TMEM132E: variants seen among roughly 807,000 people sequenced by gnomAD.
TMEM132E encodes transmembrane protein 132E.
In TMEM132E, 49 loss-of-function variants were observed where a neutral mutation model predicts 78.5. The ratio of observed to expected loss-of-function variants is 0.62; its 90% CI spans 0.50 to 0.79. The LOEUF (loss-of-function observed/expected upper bound fraction) is 0.79, where lower values mean the gene tolerates loss of function less well. Ranked by LOEUF, TMEM132E falls within the 30% of genes least tolerant of loss-of-function variation. TMEM132E has a pLI of 0.00. For missense variants in TMEM132E, 1,403 were observed against 1,470.9 expected (o/e 0.95, Z 0.75); for synonymous variants, 715 against 670.6 (o/e 1.07, Z -1.02).
At chr17:34,585,067 G>A (rs184616172) in intron 1 of TMEM132E, among the ~76,000 whole-genome samples, 24 of 152,340 alleles carry the variant, frequency 1.6e-4, no homozygotes, top group Non-Finnish European at 2.4e-4. Context: ...ATTGCCGGGC[G>A]TGAGGGATGA....
In TMEM132E at chr17:34,634,965, G is replaced by A; in HGVS notation, c.1855G>A (p.Asp619Asn). The A allele has an allele frequency of 6.2e-7, 1 of 1,614,162 alleles. No individual in the cohort carries two copies. The highest frequency in any genetic ancestry group is 8.5e-7 in the Non-Finnish European group (1 of 1,180,044). ...CCAGGTGGTCACCATGTTAGGCCCG[G>A]ACTGGCTGGTGGAGGTCACCGACCT... ...TDQVVTMLGP[D>N]WLVEVTDLVS... Residue 619 changes from aspartate to asparagine, a missense_variant, in exon 7 of 9, where the codon GAC (aspartate) becomes AAC (asparagine). Coordinates refer to ENST00000631683, the MANE Select transcript of TMEM132E (RefSeq NM_001304438.2).
At position 34,636,115 on chromosome 17, in the gene TMEM132E, C is replaced by A; in HGVS notation, c.2086C>A (p.Leu696Ile). 6.3e-7 allele frequency: 1 copy of A among 1,594,670 alleles called. No individual in the cohort carries two copies. The highest frequency in any genetic ancestry group is 1.1e-5 in the South Asian group (1 of 88,348). Residue 696 changes from leucine (L) to isoleucine (I), a missense_variant, in exon 8 of 9, where the codon CTC (leucine) becomes ATC (isoleucine). Transcript: ENST00000631683. ...GGCCCAGGTGGTGGCCAGCCTGGCC[C>A]TCTCCCTGCGGCCCAGCCCTGGGAG... ...LQAQVVASLA[L>I]SLRPSPGSSH...
chr17:34,628,523 G>C, intron 2 of TMEM132E, 40 bp from the exon 3 acceptor site: 1 of 1,611,416 alleles, frequency 6.2e-7, no homozygotes, highest in African/African-American at 1.3e-5. Context: ...TTGGGCTGTA[G>C]CCTGACCCTC....
intron 1 of TMEM132E, among the ~76,000 whole-genome samples, chr17:34,623,380 T>C (rs931840671): frequency 7.0e-6 from 1 of 143,114 alleles, no homozygotes; most frequent in Non-Finnish European, 1.5e-5. Context: ...GATGGATAAC[T>C]AAGGCAGGGC....
rs546422231 is a variant in TMEM132E at position 34,595,290 on chromosome 17, G to A, written c.67+14147G>A. Among the ~76,000 whole-genome samples, 6 of 152,342 alleles carry A rather than the reference G, an allele frequency of 3.9e-5. No homozygotes were observed. In the South Asian group the frequency reaches 1.2e-3, roughly 32 times the overall value. ...AAACTTCAGTCTTCTTACCTGTAAG[G>A]TGGTCTATACTGAACAGTGCCCACC... On this transcript the variant is annotated intron_variant, in intron 1 of 8. Coordinates refer to ENST00000631683, the MANE Select transcript of TMEM132E (RefSeq NM_001304438.2).
In TMEM132E at chr17:34,635,059, G is replaced by C; in HGVS notation, c.1949G>C (p.Gly650Ala). ...ATGGTGGACAGCAGCACGCTGGCAG[G>C]ACTGGAGCCAGGCACCACCCCCTTT... ...AHMVDSSTLA[G>A]LEPGTTPFKV... is the part of the protein sequence containing the mutation. Residue 650 changes from glycine (G) to alanine (A), a missense_variant, in exon 7 of 9, where the codon GGA (glycine) becomes GCA (alanine). Physicochemically the swap from Gly to Ala is moderately conservative, Grantham distance 60. Transcript: ENST00000631683. 6.2e-7 allele frequency: 1 copy of C among 1,613,802 alleles called. No individual in the cohort carries two copies. The highest frequency in any genetic ancestry group is 1.3e-5 in the African/African-American group (1 of 75,044).
chr17:34,634,729 G>A (rs557025048), intron 6 of TMEM132E, 70 bp from the exon 7 acceptor site: 22 of 1,504,532 alleles, frequency 1.5e-5, no homozygotes, highest in Non-Finnish European at 1.9e-5. Flanking sequence ...CAGGGCAAGG[G>A]TGCGGGGTGT....
In TMEM132E at chr17:34,626,904, G is replaced by C. The variant is rs752786544; in HGVS notation, c.845G>C (p.Arg282Thr). 6.2e-6 allele frequency: 10 copies of C among 1,613,224 alleles called. No individual in the cohort carries two copies. In the Admixed American group the frequency reaches 6.7e-5, roughly 11 times the overall value. ...GSISLFRPPP[R>T]RTLQEHRLDS... The stretch of plus-strand genomic sequence containing the variant: ...ATCAGCCTGTTCCGCCCGCCCCCCA[G>C]GAGGACCCTGCAGGAGCACAGGCTG... The change falls in exon 2 of 9, where the codon AGG (arginine) becomes ACG (threonine). Residue 282 changes from arginine (R) to threonine (T), a missense_variant. Arg to Thr is a moderately conservative substitution (Grantham distance 71). Coordinates refer to ENST00000631683, the MANE Select transcript of TMEM132E (RefSeq NM_001304438.2).
chr17:34,598,347 G>C (rs1349710695), intron 1 of TMEM132E, among the ~76,000 whole-genome samples: 2 of 152,230 alleles, frequency 1.3e-5, no homozygotes, highest in South Asian at 2.1e-4. Flanking sequence ...ATGGCACAGT[G>C]GGGGAGACAG....
intron 2 of TMEM132E, among the ~76,000 whole-genome samples, chr17:34,627,376 G>GT (rs1161544823): frequency 6.6e-6 from 1 of 151,930 alleles, no homozygotes; most frequent in Non-Finnish European, 1.5e-5. Flanking sequence ...GGACTAGAAG[G>GT]GCCCTTAGAC....
At chr17:34,610,441 A>G (rs1340617449) in intron 1 of TMEM132E, among the ~76,000 whole-genome samples, 1 of 152,238 alleles carries the variant, frequency 6.6e-6, no homozygotes, top group African/African-American at 2.4e-5. Flanking sequence ...AAAGTAAAAC[A>G]TGCAAACCGA....
At chr17:34,607,579 C>T (rs1746693669) in intron 1 of TMEM132E, among the ~76,000 whole-genome samples, 1 of 152,156 alleles carries the variant, frequency 6.6e-6, no homozygotes, top group Non-Finnish European at 1.5e-5. Flanking sequence ...TTAACACAGA[C>T]TCCACAGGTT....
chr17:34,590,261 C>T (rs531664810), intron 1 of TMEM132E, among the ~76,000 whole-genome samples: 2 of 152,242 alleles, frequency 1.3e-5, no homozygotes, highest in Admixed American at 6.5e-5. Context: ...AATCCTCCCC[C>T]CCGGAGCTGG....
chr17:34,626,977 G>A lies in TMEM132E; in HGVS notation c.918G>A (p.Gly306=), dbSNP rs1299382311. 4 of 1,613,832 alleles carry A rather than the reference G, an allele frequency of 2.5e-6. No individual in the cohort carries two copies. The highest frequency in any genetic ancestry group is 3.4e-6 in the Non-Finnish European group (4 of 1,180,028). Residue 306 remains glycine (G), a synonymous_variant, in exon 2 of 9, where the codon GGG becomes GGA. Transcript: ENST00000631683. ...TGCCAGACCGGCCCCTCAAGCCCGGGGAAGTGCTCAGCATCCTCCTCTATC... is the reference window on the plus strand; with the variant it reads ...TGCCAGACCGGCCCCTCAAGCCCGGAGAAGTGCTCAGCATCCTCCTCTATC... The part of the protein sequence containing the change: ...IRLPDRPLKP[G]EVLSILLYLA...
At chr17:34,592,556 GAGCC>G (rs1905909278) in intron 1 of TMEM132E, among the ~76,000 whole-genome samples, 2 of 152,168 alleles carry the variant, frequency 1.3e-5, no homozygotes, top group Non-Finnish European at 2.9e-5. Context: ...CCTGGAGCAG[GAGCC>G]TCCTCATCCA....
At position 34,629,177 on chromosome 17, in the gene TMEM132E, T is replaced by A. The variant is rs1275347094; in HGVS notation, c.1311T>A (p.Asp437Glu). The change falls in exon 4 of 9, where the codon GAT becomes GAA. Residue 437 changes from aspartate (D) to glutamate (E), a missense_variant. This residue lies in a region of TMEM132E where 888 missense variants were observed against 952.8 expected (regional missense o/e 0.93). Coordinates refer to ENST00000631683, the MANE Select transcript of TMEM132E (RefSeq NM_001304438.2). ...AVTELTVIQR[D>E]VQAILPLAMD... ...CTGAGCTGACGGTCATTCAGCGGGA[T>A]GTGCAAGCCATCCTGCCCCTGGCCA... 1 of 1,614,106 alleles carries A rather than the reference T, an allele frequency of 6.2e-7. No homozygotes were observed. Among genetic ancestry groups the A allele is most frequent in the Non-Finnish European group, 8.5e-7 (1 of 1,179,982 alleles).
In TMEM132E at chr17:34,628,607, G is replaced by A. The variant is rs756772108; in HGVS notation, c.1043G>A (p.Arg348Gln). ...GTGACCCTTTTAGGTACCAAGTCAC[G>A]GAGTGGCCAGTGGCATGTGACCTCG... ...KGVTLLGTKS[R>Q]SGQWHVTSEL... is the part of the protein sequence containing the mutation. Residue 348 changes from arginine to glutamine, a missense_variant, in exon 3 of 9, where the codon CGG (arginine) becomes CAG (glutamine). Arg to Gln is a conservative substitution (Grantham distance 43). Transcript: ENST00000631683. The A allele has an allele frequency of 1.1e-5, 17 of 1,613,844 alleles. No individual in the cohort carries two copies. The highest frequency in any genetic ancestry group is 5.5e-5 in the South Asian group (5 of 91,048).
At chr17:34,599,934 G>A (rs932971539) in intron 1 of TMEM132E, among the ~76,000 whole-genome samples, 5 of 152,234 alleles carry the variant, frequency 3.3e-5, no homozygotes, top group South Asian at 2.1e-4. Context: ...CTCCAGCATC[G>A]TGACAGGCCT....
At chr17:34,606,852 A>G (rs1291534142) in intron 1 of TMEM132E, among the ~76,000 whole-genome samples, 2 of 152,128 alleles carry the variant, frequency 1.3e-5, no homozygotes, top group South Asian at 2.1e-4. Flanking sequence ...AAACAGTACA[A>G]GGGCCCTCCT....
Sources: gnomAD v4.1 joint callset for allele counts (sites outside exome capture counted in the v4.1 genomes callset) on GRCh38, gnomAD v4.1.1 for gene constraint, gnomAD v4.1.1 regional missense constraint, MANE v1.5 for transcripts, NCBI Gene and HGNC (gene_info 2026-07-23, HGNC 2026-07-21) for gene names.